COBL: variants seen among roughly 807,000 people sequenced by gnomAD.
The protein encoded by COBL is protein cordon-bleu.
In COBL, 51 loss-of-function variants were observed where a neutral mutation model predicts 98.8. The observed-to-expected ratio is 0.52, with a 90% CI of 0.41 to 0.65. The LOEUF (loss-of-function observed/expected upper bound fraction) is 0.65, where lower values mean the gene tolerates loss of function less well. Among genes scored for constraint, COBL ranks in the 30% least tolerant of loss-of-function variants. The pLI is 0.00. For synonymous variants in COBL, 634 were observed against 651.7 expected, an observed-to-expected ratio of 0.97 and a Z score of 0.41; for missense variants, 1,617 against 1,617.5, an observed-to-expected ratio of 1.00 and a Z score of 0.01.
intron 8 of COBL, chr7:51,033,283 GC>G (rs1562822339): frequency 6.6e-6 from 1 of 152,112 alleles, no homozygotes; most frequent in Non-Finnish European, 1.5e-5. Context: ...AAGAACTTTG[GC>G]CCATTAATCT....
intron 2 of COBL, among the ~76,000 whole-genome samples, chr7:51,211,604 A>G (rs754610746): frequency 2.0e-5 from 3 of 152,224 alleles, no homozygotes; most frequent in Non-Finnish European, 4.4e-5. Flanking sequence ...ACCTATCTGT[A>G]TGTTGCCAAA....
intron 7 of COBL, chr7:51,073,237 T>C: frequency 1.9e-6 from 1 of 529,130 alleles, no homozygotes; most frequent in African/African-American, 1.9e-5. Flanking sequence ...ATTCTGGGTA[T>C]ACAATGAGCC....
chr7:51,091,104 A>T (rs1232895577), intron 6 of COBL, among the ~76,000 whole-genome samples: 1 of 152,240 alleles, frequency 6.6e-6, no homozygotes, highest in Non-Finnish European at 1.5e-5. Flanking sequence ...TATTTTGTCA[A>T]ATGCACAAAT....
chr7:51,252,005 T>C (rs918982204), intron 1 of COBL, among the ~76,000 whole-genome samples: 1 of 152,176 alleles, frequency 6.6e-6, no homozygotes, highest in African/African-American at 2.4e-5. Context: ...TTATCACAGC[T>C]AAGAAAATAG....
At chr7:51,228,894 T>C (rs1403603245) in intron 1 of COBL, among the ~76,000 whole-genome samples, 2 of 151,988 alleles carry the variant, frequency 1.3e-5, no homozygotes, top group Non-Finnish European at 2.9e-5. Flanking sequence ...TTCAATATTA[T>C]AGAAAAAGGA....
Position 51,190,903 on chromosome 7 carries a change from T to G in COBL, c.632A>C (p.Lys211Thr). 6.2e-7 allele frequency: 1 copy of G among 1,614,142 alleles called. No individual in the cohort carries two copies. Among genetic ancestry groups the G allele is most frequent in the Non-Finnish European group, 8.5e-7 (1 of 1,180,028 alleles). ...NIAGEELELS[K>T]SLNELGIKEL... ...CTTTATCCCGAGCTCGTTCAGGGAC[T>G]TGGACAGCTCCAGCTCCTCTCCGGC... Residue 211 changes from lysine (K) to threonine (T), a missense_variant, in exon 4 of 13, where the codon AAG (lysine) becomes ACG (threonine). Physicochemically the swap from Lys to Thr is moderately conservative, Grantham distance 78. Transcript: ENST00000265136.
intron 5 of COBL, among the ~76,000 whole-genome samples, chr7:51,170,092 C>T (rs1377030164): frequency 1.3e-5 from 2 of 152,176 alleles, no homozygotes; most frequent in Non-Finnish European, 2.9e-5. Context: ...GATGAATTCA[C>T]TTATATCTTC....
chr7:51,096,628 G>C (rs982938795), intron 6 of COBL, among the ~76,000 whole-genome samples: 2 of 151,860 alleles, frequency 1.3e-5, no homozygotes, highest in Non-Finnish European at 2.9e-5. Context: ...TAAAAAATGA[G>C]AGAAGACTCA....
At chr7:51,132,253 C>G (rs1196537888) in intron 6 of COBL, among the ~76,000 whole-genome samples, 1 of 152,230 alleles carries the variant, frequency 6.6e-6, no homozygotes, top group Non-Finnish European at 1.5e-5. Flanking sequence ...GCACTGTGGC[C>G]AGCTCTCATC....
At chr7:51,020,209 T>C (rs1490008116) in intron 12 of COBL, among the ~76,000 whole-genome samples, 1 of 152,190 alleles carries the variant, frequency 6.6e-6, no homozygotes, top group Non-Finnish European at 1.5e-5. Flanking sequence ...TGCCCCATTT[T>C]CGCACCTGTC....
At chr7:51,073,468 C>T in intron 7 of COBL, 1 of 581,522 alleles carries the variant, frequency 1.7e-6, no homozygotes, top group East Asian at 2.9e-5. Flanking sequence ...ATTTTCCAGC[C>T]CCTGGAGATT....
intron 2 of COBL, among the ~76,000 whole-genome samples, chr7:51,202,092 T>G (rs1035458734): frequency 6.6e-6 from 1 of 152,228 alleles, no homozygotes; most frequent in Non-Finnish European, 1.5e-5. Flanking sequence ...CAGTCACCCT[T>G]ACTTTACTTA....
chr7:51,047,221 G>A (rs1453018149), intron 7 of COBL, among the ~76,000 whole-genome samples: 5 of 152,142 alleles, frequency 3.3e-5, no homozygotes, highest in Admixed American at 6.5e-5. Flanking sequence ...TTTGTCTTTC[G>A]CAGAAGCCTA....
Position 51,284,904 on chromosome 7 carries a change from A to G in COBL, c.41+31689T>C, listed in dbSNP as rs1257393338. ...GAAAGACTGAATGTTTTCCCCTAAGATCAGGAACAAGGTAAGAGTGTGTAT... is the reference window on the plus strand; with the variant it reads ...GAAAGACTGAATGTTTTCCCCTAAGGTCAGGAACAAGGTAAGAGTGTGTAT... On this transcript the variant is annotated intron_variant, in intron 1 of 12. Coordinates refer to ENST00000265136, the MANE Select transcript of COBL (RefSeq NM_015198.5). Among the ~76,000 whole-genome samples, 3 of 151,724 alleles carry G rather than the reference A, an allele frequency of 2.0e-5. No individual in the cohort carries two copies. In the South Asian group the frequency reaches 6.2e-4, roughly 31 times the overall value.
rs570745854 is a variant in COBL, at chr7:51,138,913, C to T, written c.784-2582G>A. Reference sequence around the variant, plus strand: ...TGGAACTCCCAGTTCCTCTTGTCCTCGGTCCTCACCACAACTATGCCTGCC... The same window carrying T: ...TGGAACTCCCAGTTCCTCTTGTCCTTGGTCCTCACCACAACTATGCCTGCC... On this transcript the variant is annotated intron_variant, in intron 5 of 12. Coordinates refer to ENST00000265136, the MANE Select transcript of COBL (RefSeq NM_015198.5). Among the ~76,000 whole-genome samples the T allele has an allele frequency of 5.9e-5, 9 of 152,292 alleles. No homozygotes were observed. The South Asian group carries it at 1.5e-3, about 25-fold the overall frequency.
chr7:51,164,401 T>C (rs779908819), intron 5 of COBL, among the ~76,000 whole-genome samples: 8 of 152,106 alleles, frequency 5.3e-5, no homozygotes, highest in Non-Finnish European at 8.8e-5. Flanking sequence ...ACAATGAAGC[T>C]ACAATATGTC....
At chr7:51,065,939 C>A (rs561732001) in intron 7 of COBL, among the ~76,000 whole-genome samples, 1 of 152,266 alleles carries the variant, frequency 6.6e-6, no homozygotes, top group Non-Finnish European at 1.5e-5. Context: ...CAGCCATCTG[C>A]AAGCCAAGGA....
intron 2 of COBL, among the ~76,000 whole-genome samples, chr7:51,203,352 C>T (rs1584155999): frequency 7.3e-6 from 1 of 137,040 alleles, no homozygotes; most frequent in South Asian, 2.6e-4. Flanking sequence ...GTCCCAGCTA[C>T]TCGGGAGGCT....
intron 1 of COBL, among the ~76,000 whole-genome samples, chr7:51,254,623 C>T (rs1306151542): frequency 6.6e-6 from 1 of 152,132 alleles, no homozygotes; most frequent in Admixed American, 6.6e-5. Context: ...TCCTCTCCAC[C>T]ACTCTTCTCA....
Sources: allele counts gnomAD v4.1 joint callset (sites outside exome capture counted in the v4.1 genomes callset), GRCh38; gene constraint gnomAD v4.1.1; transcripts MANE v1.5; gene names NCBI Gene and HGNC (gene_info 2026-07-23, HGNC 2026-07-21).